The following DNAJC1 variants were observed in gnomAD, a reference collection of about 807,000 sequenced individuals.
DNAJC1 encodes the protein DnaJ heat shock protein family (Hsp40) member C1, also known as dnaJ homolog subfamily C member 1.
Under a neutral mutation model 76.6 loss-of-function variants are expected in DNAJC1, and 58 were observed. That is an observed-to-expected ratio of 0.76 (90% CI 0.61 to 0.94). The LOEUF (loss-of-function observed/expected upper bound fraction) is 0.94, where lower values mean the gene tolerates loss of function less well. Among genes scored for constraint, DNAJC1 ranks in the 40% least tolerant of loss-of-function variants. DNAJC1 has a pLI of 0.00. For synonymous variants in DNAJC1, 258 were observed against 267.9 expected, an observed-to-expected ratio of 0.96 and a Z score of 0.36; for missense variants, 689 against 677.3, an observed-to-expected ratio of 1.02 and a Z score of -0.19.
intron 9 of DNAJC1, among the ~76,000 whole-genome samples, chr10:21,771,632 G>C (rs551466070): frequency 6.6e-6 from 1 of 152,098 alleles, no homozygotes; most frequent in East Asian, 1.9e-4. Context: ...CGAGTAGCTG[G>C]GATTACAGGT....
At chr10:21,887,116 T>C (rs918763187) in intron 7 of DNAJC1, among the ~76,000 whole-genome samples, 4 of 151,862 alleles carry the variant, frequency 2.6e-5, no homozygotes, top group African/African-American at 9.7e-5. Flanking sequence ...TAGAGTCAAA[T>C]CAGAAAGGCA....
chr10:21,866,134 C>CAAAAAAAAAAAAAA (rs1306930222), intron 8 of DNAJC1, among the ~76,000 whole-genome samples: 6 of 33,910 alleles, frequency 1.8e-4, no homozygotes, highest in South Asian at 1.1e-3. Flanking sequence ...GACTTCAACT[C>CAAAAAAAAAAAAAA]AAAAAAAAAA....
chr10:21,757,865 G>A (rs1018293832), intron 11 of DNAJC1, among the ~76,000 whole-genome samples: 39 of 152,280 alleles, frequency 2.6e-4, no homozygotes, highest in Non-Finnish European at 5.0e-4. Flanking sequence ...GTTGAAAACC[G>A]GAAGGTTTCC....
At chr10:21,890,860 A>G (rs538051969) in intron 7 of DNAJC1, among the ~76,000 whole-genome samples, 1 of 152,226 alleles carries the variant, frequency 6.6e-6, no homozygotes, top group Non-Finnish European at 1.5e-5. Context: ...AATTTGAATG[A>G]CAAAAGGTAA....
intron 8 of DNAJC1, among the ~76,000 whole-genome samples, chr10:21,872,953 C>T (rs899061787): frequency 2.6e-5 from 4 of 152,186 alleles, no homozygotes; most frequent in South Asian, 2.1e-4. Flanking sequence ...AGCCCGGCGC[C>T]GTGCCCTGGG....
intron 8 of DNAJC1, among the ~76,000 whole-genome samples, chr10:21,877,084 G>C (rs1836199137): frequency 6.6e-6 from 1 of 151,994 alleles, no homozygotes; most frequent in Non-Finnish European, 1.5e-5. Context: ...GACCAGACTT[G>C]GCAGCACAGG....
In DNAJC1 at chr10:21,957,015, C is replaced by A. The variant is rs572474026; in HGVS notation, c.223-27874G>T. ...CAAGTGATTCTCCTGCCTCAGCCCC[C>A]CAAGGAACTGGGATTACAGGTACCC... On this transcript the variant is annotated intron_variant, in intron 1 of 11. Coordinates refer to ENST00000376980, the MANE Select transcript of DNAJC1 (RefSeq NM_022365.4). Among the ~76,000 whole-genome samples the A allele has an allele frequency of 1.0e-3, 153 of 151,914 alleles. No homozygotes were observed. The South Asian group carries it at 0.016, about 16-fold the overall frequency.
At chr10:21,824,305 T>C (rs1020699505) in intron 8 of DNAJC1, among the ~76,000 whole-genome samples, 3 of 152,206 alleles carry the variant, frequency 2.0e-5, no homozygotes, top group Admixed American at 6.5e-5. Flanking sequence ...GAGTATATTA[T>C]CTGAGAGAGG....
At chr10:21,875,742 T>G (rs181493558) in intron 8 of DNAJC1, among the ~76,000 whole-genome samples, 162 of 152,222 alleles carry the variant, frequency 1.1e-3, no homozygotes, top group Admixed American at 2.0e-3. Flanking sequence ...CTGGCCAACA[T>G]GACGAAACCC....
intron 10 of DNAJC1, among the ~76,000 whole-genome samples, chr10:21,761,616 G>C (rs1834242592): frequency 6.6e-6 from 1 of 151,464 alleles, no homozygotes; most frequent in Admixed American, 6.6e-5. Context: ...GGAATACAAT[G>C]AAAAGTGGCT....
rs1838554433 is a variant in DNAJC1, at chr10:22,003,254, C to T, written c.181G>A (p.Glu61Lys). The change falls in exon 1 of 12, where the codon GAG becomes AAG. Residue 61 changes from glutamate to lysine, a missense_variant. Coordinates refer to ENST00000376980, the MANE Select transcript of DNAJC1 (RefSeq NM_022365.4). ...GDLELFDLVE[E>K]VQLNFYQFLG... ...AACTGGTAGAAGTTGAGCTGCACCT[C>T]CTCCACTAAGTCAAACAACTCCAGG... The T allele has an allele frequency of 1.9e-6, 3 of 1,568,090 alleles. No individual in the cohort carries two copies. The South Asian group carries it at 3.5e-5, about 19-fold the overall frequency.
chr10:21,818,267 C>T (rs961802784), intron 8 of DNAJC1, among the ~76,000 whole-genome samples: 3 of 152,164 alleles, frequency 2.0e-5, no homozygotes, highest in Non-Finnish European at 4.4e-5. Flanking sequence ...AAATAAGCCC[C>T]AGTCTCCCAT....
chr10:21,826,392 G>A lies in DNAJC1; in HGVS notation c.979-20293C>T, dbSNP rs368275298. On this transcript the variant is annotated intron_variant, in intron 8 of 11. Coordinates refer to ENST00000376980, the MANE Select transcript of DNAJC1 (RefSeq NM_022365.4). The stretch of plus-strand genomic sequence containing the variant: ...GCTGGTCTTGAACTCCTGGGCTCAA[G>A]CAATCTTCCTGCCTCAGCCTCCTGA... 1.1e-3 allele frequency among the ~76,000 whole-genome samples: 166 copies of A among 152,240 alleles called. 7 individuals are homozygous for A. In the East Asian group the frequency reaches 0.02, roughly 18 times the overall value.
chr10:21,873,101 C>T (rs1300702124), intron 8 of DNAJC1, among the ~76,000 whole-genome samples: 2 of 152,122 alleles, frequency 1.3e-5, no homozygotes, highest in Non-Finnish European at 2.9e-5. Flanking sequence ...CCCCCAGTCA[C>T]GTACCCCCTG....
intron 1 of DNAJC1, among the ~76,000 whole-genome samples, chr10:21,974,983 A>G (rs1838038924): frequency 6.6e-6 from 1 of 152,110 alleles, no homozygotes; most frequent in South Asian, 2.1e-4. Flanking sequence ...ACAATATCAT[A>G]TTATGTTTAT....
chr10:21,937,086 A>G (rs941634517), intron 1 of DNAJC1, among the ~76,000 whole-genome samples: 1 of 152,188 alleles, frequency 6.6e-6, no homozygotes, highest in Non-Finnish European at 1.5e-5. Context: ...AAAATGACAT[A>G]TAATGAAAAT....
At chr10:21,927,753 G>T (rs1224660045) in intron 3 of DNAJC1, among the ~76,000 whole-genome samples, 5 of 152,108 alleles carry the variant, frequency 3.3e-5, no homozygotes, top group Non-Finnish European at 7.4e-5. Context: ...AAACTTAGAA[G>T]GCTGCTGAAA....
At chr10:21,817,329 T>G (rs994635182) in intron 8 of DNAJC1, among the ~76,000 whole-genome samples, 1 of 152,136 alleles carries the variant, frequency 6.6e-6, no homozygotes, top group African/African-American at 2.4e-5. Context: ...AAATTACACA[T>G]AAATGTTTAC....
intron 8 of DNAJC1, among the ~76,000 whole-genome samples, chr10:21,807,906 GA>G (rs958074501): frequency 2.0e-5 from 3 of 151,682 alleles, no homozygotes; most frequent in African/African-American, 7.3e-5. Flanking sequence ...TTTATTTAAG[GA>G]AAAAAGAATT....
Sources: allele counts gnomAD v4.1 joint callset (sites outside exome capture counted in the v4.1 genomes callset), GRCh38; gene constraint gnomAD v4.1.1; transcripts MANE v1.5; gene names NCBI Gene and HGNC (gene_info 2026-07-23, HGNC 2026-07-21).